The following NUBPL variants were observed in gnomAD, a reference collection of about 807,000 sequenced individuals.
NUBPL encodes NUBP iron-sulfur cluster assembly factor, mitochondrial.
NUBPL carries 31 observed loss-of-function variants against 45.7 expected under a neutral mutation model. The ratio of observed to expected loss-of-function variants is 0.68; its 90% CI spans 0.51 to 0.92. The LOEUF (loss-of-function observed/expected upper bound fraction) is 0.92, where lower values mean the gene tolerates loss of function less well. NUBPL is among the 40% of genes least tolerant of loss of function. NUBPL has a pLI of 0.00. For missense variants in NUBPL, 401 were observed against 398.7 expected, an observed-to-expected ratio of 1.01 and a Z score of -0.05; for synonymous variants, 144 against 140.9, an observed-to-expected ratio of 1.02 and a Z score of -0.15.
intron 4 of NUBPL, among the ~76,000 whole-genome samples, chr14:31,628,212 A>G (rs1007529253): frequency 6.6e-5 from 10 of 152,166 alleles, no homozygotes; most frequent in African/African-American, 2.4e-4. Flanking sequence ...CTTAAACATG[A>G]GTTAGAATGT....
chr14:31,676,789 A>G (rs1014498716), intron 6 of NUBPL, among the ~76,000 whole-genome samples: 1 of 150,484 alleles, frequency 6.6e-6, no homozygotes, highest in African/African-American at 2.4e-5. Context: ...TTTATTTTTT[A>G]GTAATTGAGT....
At chr14:31,789,738 T>C (rs998343332) in intron 7 of NUBPL, among the ~76,000 whole-genome samples, 1 of 152,160 alleles carries the variant, frequency 6.6e-6, no homozygotes, top group African/African-American at 2.4e-5. Flanking sequence ...ACGTGTTGTT[T>C]GGAAATATCA....
intron 4 of NUBPL, among the ~76,000 whole-genome samples, chr14:31,622,461 C>G (rs1348502882): frequency 6.6e-6 from 1 of 151,750 alleles, no homozygotes; most frequent in African/African-American, 2.4e-5. Flanking sequence ...GAGAATTTCT[C>G]CAGAGAATTT....
intron 4 of NUBPL, among the ~76,000 whole-genome samples, chr14:31,663,755 G>A (rs1217810512): frequency 1.3e-5 from 2 of 152,154 alleles, no homozygotes; most frequent in Non-Finnish European, 2.9e-5. Context: ...ATATAAAGTA[G>A]TTTTTTCTAA....
chr14:31,693,852 C>CTTTT (rs138873656), intron 6 of NUBPL, among the ~76,000 whole-genome samples: 11 of 66,568 alleles, frequency 1.7e-4, no homozygotes, highest in African/African-American at 3.6e-4. Context: ...ATTTTCTTTT[C>CTTTT]TTTTCTTTTT....
intron 2 of NUBPL, among the ~76,000 whole-genome samples, chr14:31,563,309 T>C (rs1441548534): frequency 6.6e-6 from 1 of 152,236 alleles, no homozygotes; most frequent in African/African-American, 2.4e-5. Context: ...TTGTAATTTG[T>C]TGGGTCTGTA....
At chr14:31,837,147 C>A (rs1177870162) in intron 8 of NUBPL, among the ~76,000 whole-genome samples, 2 of 152,046 alleles carry the variant, frequency 1.3e-5, no homozygotes, top group African/African-American at 2.4e-5. Context: ...TACACTAAGA[C>A]CTTGTTTCTA....
At chr14:31,790,552 A>G (rs2039361365) in intron 7 of NUBPL, among the ~76,000 whole-genome samples, 1 of 152,202 alleles carries the variant, frequency 6.6e-6, no homozygotes, top group South Asian at 2.1e-4. Context: ...CTCTGGAGCT[A>G]TTAAACAGTA....
intron 6 of NUBPL, among the ~76,000 whole-genome samples, chr14:31,781,583 C>T (rs550186949): frequency 6.6e-6 from 1 of 152,266 alleles, no homozygotes; most frequent in Admixed American, 6.5e-5. Context: ...AAATCAAAAC[C>T]TCTTGCAATC....
intron 4 of NUBPL, among the ~76,000 whole-genome samples, chr14:31,669,797 GTT>G (rs1211411877): frequency 1.5e-5 from 1 of 68,610 alleles, no homozygotes. Context: ...CATGATCTTG[GTT>G]TTTTTTTTTG....
At chr14:31,773,541 A>G (rs17098165) in intron 6 of NUBPL, among the ~76,000 whole-genome samples, 8,812 of 152,236 alleles carry the variant, frequency 0.058, 721 homozygotes, top group African/African-American at 0.19. Flanking sequence ...TGGAAGACCC[A>G]TTCAAACCCT....
intron 6 of NUBPL, among the ~76,000 whole-genome samples, chr14:31,761,908 A>G (rs1351144740): frequency 2.0e-5 from 3 of 152,222 alleles, no homozygotes; most frequent in Non-Finnish European, 4.4e-5. Flanking sequence ...ACATGTATGT[A>G]CATGAGCTAA....
intron 7 of NUBPL, among the ~76,000 whole-genome samples, chr14:31,821,644 A>C (rs1456411337): frequency 6.6e-6 from 1 of 152,240 alleles, no homozygotes; most frequent in Non-Finnish European, 1.5e-5. Context: ...CAAAAAACTA[A>C]AAATAGAGCT....
At chr14:31,753,924 C>G (rs2038590476) in intron 6 of NUBPL, among the ~76,000 whole-genome samples, 1 of 152,054 alleles carries the variant, frequency 6.6e-6, no homozygotes, top group Admixed American at 6.6e-5. Flanking sequence ...AAGTCAGAGA[C>G]CATATATACT....
At chr14:31,658,517 CTT>C (rs1174285591) in intron 4 of NUBPL, among the ~76,000 whole-genome samples, 5 of 144,226 alleles carry the variant, frequency 3.5e-5, no homozygotes, top group East Asian at 2.0e-4. Flanking sequence ...TCTTTAATAG[CTT>C]TTTTTTTTTT....
intron 7 of NUBPL, among the ~76,000 whole-genome samples, chr14:31,813,213 T>C (rs1273911083): frequency 1.3e-5 from 2 of 151,962 alleles, no homozygotes; most frequent in Admixed American, 1.3e-4. Flanking sequence ...GGTCTCAATC[T>C]CCTGACCTCA....
chr14:31,781,158 G>A (rs1464899913), intron 6 of NUBPL, among the ~76,000 whole-genome samples: 1 of 152,116 alleles, frequency 6.6e-6, no homozygotes, highest in Non-Finnish European at 1.5e-5. Context: ...CAGAATCATA[G>A]GTCACTGCCA....
intron 6 of NUBPL, among the ~76,000 whole-genome samples, chr14:31,680,759 T>C (rs2036813472): frequency 1.3e-5 from 2 of 152,092 alleles, no homozygotes; most frequent in Non-Finnish European, 2.9e-5. Context: ...TAATAACTAA[T>C]ACGGTGTAAA....
intron 4 of NUBPL, among the ~76,000 whole-genome samples, chr14:31,661,109 T>C (rs1330111611): frequency 6.6e-6 from 1 of 152,220 alleles, no homozygotes; most frequent in African/African-American, 2.4e-5. Context: ...AAAAGATTAA[T>C]TAAATTCACA....
Sources: gnomAD v4.1 joint callset for allele counts (sites outside exome capture counted in the v4.1 genomes callset) on GRCh38, gnomAD v4.1.1 for gene constraint, MANE v1.5 for transcripts, NCBI Gene and HGNC (gene_info 2026-07-23, HGNC 2026-07-21) for gene names.